SPAST: variants seen among roughly 807,000 people sequenced by gnomAD.
SPAST encodes the protein spastic paraplegia 4 (autosomal dominant; spastin).
Under a neutral mutation model 76.6 loss-of-function variants are expected in SPAST, and 30 were observed. That is an observed-to-expected ratio of 0.39 (90% confidence interval 0.29 to 0.53). The LOEUF is 0.53. Ranked by LOEUF, SPAST falls within the 20% of genes least tolerant of loss-of-function variation. The probability of loss-of-function intolerance (pLI) is 0.68; values close to 1 mark genes in which losing one functional copy is unlikely to be tolerated. For missense variants in SPAST, 717 were observed against 770.5 expected (o/e 0.93, Z 0.82); for synonymous variants, 305 against 281.0 (o/e 1.09, Z -0.86).
intron 7 of SPAST, among the ~76,000 whole-genome samples, chr2:32,124,527 G>A (rs1679128293): frequency 6.6e-6 from 1 of 152,078 alleles, no homozygotes; most frequent in South Asian, 2.1e-4. Flanking sequence ...TGGTCCAGCA[G>A]TCTTACTCCT....
chr2:32,139,138 A>C (rs1679635957), intron 12 of SPAST, among the ~76,000 whole-genome samples: 1 of 151,386 alleles, frequency 6.6e-6, no homozygotes, highest in Non-Finnish European at 1.5e-5. Context: ...GTCTATTTGG[A>C]CTCTTTTTTT....
At chr2:32,083,690 A>G (rs1677330242) in intron 1 of SPAST, among the ~76,000 whole-genome samples, 1 of 139,030 alleles carries the variant, frequency 7.2e-6, no homozygotes, top group South Asian at 2.3e-4. Context: ...TATGCTATAT[A>G]TAGAGTATAT....
rs1277872838 is a variant in SPAST, at chr2:32,156,561, G to A, written c.*2065G>A. 2.6e-5 allele frequency: 4 copies of A among 152,070 alleles called. No individual in the cohort carries two copies. The highest frequency in any genetic ancestry group is 6.6e-5 in the Admixed American group (1 of 15,254). 9.4% of individuals were successfully genotyped at this position (152,070 alleles called of 1,614,324 possible). A position where few individuals can be genotyped will look rare whatever the true frequency, so the allele number is the denominator to read the frequency against. On this transcript the variant is annotated 3_prime_UTR_variant, in exon 17 of 17. Coordinates refer to ENST00000315285, the MANE Select transcript of SPAST (RefSeq NM_014946.4). Reference sequence around the variant, plus strand: ...ACATCAATTATGAAATACTGATAACGAAAGGTAGTAATGAAATATATATGA... The same window carrying A: ...ACATCAATTATGAAATACTGATAACAAAAGGTAGTAATGAAATATATATGA...
intron 9 of SPAST, chr2:32,128,694 A>C: frequency 1.8e-6 from 1 of 548,890 alleles, no homozygotes; most frequent in Non-Finnish European, 3.3e-6. Context: ...CATGTAATAA[A>C]ATACCGTAAA....
chr2:32,110,696 A>G (rs1355096798), intron 4 of SPAST, among the ~76,000 whole-genome samples: 1 of 139,296 alleles, frequency 7.2e-6, no homozygotes, highest in South Asian at 2.2e-4. Context: ...TACTGTATAT[A>G]TAGTGTACAT....
At chr2:32,090,389 A>C (rs528997298) in intron 3 of SPAST, among the ~76,000 whole-genome samples, 76 of 152,242 alleles carry the variant, frequency 5.0e-4, no homozygotes, top group Non-Finnish European at 9.4e-4. Flanking sequence ...CCAACTTCTT[A>C]TTATTTTGAA....
rs933788786 is a variant in SPAST at position 32,132,252 on chromosome 2, G to A, written c.1245+3773G>A. On this transcript the variant is annotated intron_variant, in intron 9 of 16. Transcript: ENST00000315285. ...CAGAAATACAAAAAATTAGTCGGGC[G>A]TGGTGGCGTGTGCCTGTGGTCCCAG... Among the ~76,000 whole-genome samples, 6 of 152,202 alleles carry A rather than the reference G, an allele frequency of 3.9e-5. No individual in the cohort carries two copies. In the South Asian group the frequency reaches 1.2e-3, roughly 32 times the overall value.
chr2:32,119,013 A>G (rs1200186226), intron 7 of SPAST, among the ~76,000 whole-genome samples: 1 of 152,220 alleles, frequency 6.6e-6, no homozygotes, highest in African/African-American at 2.4e-5. Context: ...GTTGCAAGTT[A>G]TTTCAAATAA....
intron 4 of SPAST, among the ~76,000 whole-genome samples, chr2:32,109,526 T>G (rs949453539): frequency 3.3e-5 from 5 of 152,022 alleles, no homozygotes; most frequent in South Asian, 2.1e-4. Flanking sequence ...TTAACTCTTT[T>G]TGCTATTTTT....
chr2:32,145,271 A>AT (rs1208072317), intron 15 of SPAST, among the ~76,000 whole-genome samples: 1 of 151,994 alleles, frequency 6.6e-6, no homozygotes, highest in Non-Finnish European at 1.5e-5. Context: ...ATTTTATTTT[A>AT]TTTCTTGTAG....
intron 12 of SPAST, among the ~76,000 whole-genome samples, chr2:32,139,853 A>C (rs532808945): frequency 3.3e-5 from 5 of 150,050 alleles, no homozygotes; most frequent in South Asian, 2.1e-4. Context: ...AAAAAAAAGA[A>C]AAAAAAAAAG....
chr2:32,123,233 G>T (rs1008633246), intron 7 of SPAST, among the ~76,000 whole-genome samples: 2 of 151,042 alleles, frequency 1.3e-5, no homozygotes, highest in Non-Finnish European at 2.9e-5. Flanking sequence ...TTGCACTCCA[G>T]CCTGGGGGAC....
At chr2:32,101,197 T>C (rs572505814) in intron 4 of SPAST, among the ~76,000 whole-genome samples, 1 of 152,360 alleles carries the variant, frequency 6.6e-6, no homozygotes, top group Admixed American at 6.5e-5. Context: ...TGATTTGCAT[T>C]TCTCTGATGG....
At chr2:32,107,433 A>G (rs1258136740) in intron 4 of SPAST, among the ~76,000 whole-genome samples, 4 of 152,060 alleles carry the variant, frequency 2.6e-5, no homozygotes, top group Non-Finnish European at 5.9e-5. Flanking sequence ...TTGTATTTTT[A>G]GTAGAGATGA....
intron 4 of SPAST, among the ~76,000 whole-genome samples, chr2:32,112,045 C>T (rs1391581356): frequency 2.0e-5 from 3 of 149,428 alleles, no homozygotes; most frequent in Admixed American, 6.7e-5. Flanking sequence ...CTCCATCTCC[C>T]GGGTTCAAGT....
At chr2:32,091,095 C>G (rs1677695229) in intron 3 of SPAST, among the ~76,000 whole-genome samples, 2 of 151,742 alleles carry the variant, frequency 1.3e-5, no homozygotes, top group African/African-American at 2.4e-5. Context: ...AGAACAAAAC[C>G]TACTACATAT....
intron 1 of SPAST, among the ~76,000 whole-genome samples, chr2:32,065,761 C>T (rs531068521): frequency 6.6e-6 from 1 of 152,230 alleles, no homozygotes; most frequent in East Asian, 1.9e-4. Context: ...TCTCTACTGC[C>T]AACTCCAAAA....
In SPAST at chr2:32,106,896, A is replaced by C. The variant is rs184491050; in HGVS notation, c.683-7742A>C. ...TTTCAGAAGGCACTTACTGAAAAAA[A>C]AAAAACAAAGAAATGTAAGAGTCCA... On this transcript the variant is annotated intron_variant, in intron 4 of 16. Transcript: ENST00000315285. Among the ~76,000 whole-genome samples the C allele has an allele frequency of 2.3e-3, 345 of 152,218 alleles. 3 individuals carry two copies. The highest frequency in any genetic ancestry group is 7.8e-3 in the African/African-American group (322 of 41,534).
intron 15 of SPAST, among the ~76,000 whole-genome samples, chr2:32,145,549 G>C (rs1006846990): frequency 5.3e-5 from 8 of 152,176 alleles, no homozygotes; most frequent in Admixed American, 3.9e-4. Context: ...AATAATGTAA[G>C]GAAAATGTTC....
Sources: gnomAD v4.1 joint callset for allele counts (sites outside exome capture counted in the v4.1 genomes callset) on GRCh38, gnomAD v4.1.1 for gene constraint, MANE v1.5 for transcripts, NCBI Gene and HGNC (gene_info 2026-07-23, HGNC 2026-07-21) for gene names.